Variants in LHPP observed in about 807,000 individuals in gnomAD.
The protein encoded by LHPP is phospholysine phosphohistidine inorganic pyrophosphate phosphatase, also known as hLHPP.
A neutral mutation model predicts 30.3 loss-of-function variants in LHPP; 24 were observed. That is an observed-to-expected ratio of 0.79 (90% CI 0.57 to 1.11). The LOEUF (loss-of-function observed/expected upper bound fraction) is 1.11, where lower values mean the gene tolerates loss of function less well. Ranked by LOEUF, LHPP falls within the 50% of genes most tolerant of loss-of-function variation. LHPP has a pLI of 0.00. For synonymous variants in LHPP, 150 were observed against 157.1 expected, an observed-to-expected ratio of 0.95 and a Z score of 0.34; for missense variants, 356 against 367.2, an observed-to-expected ratio of 0.97 and a Z score of 0.25.
At chr10:124,511,001 C>T (rs978866914) in intron 5 of LHPP, among the ~76,000 whole-genome samples, 5 of 152,162 alleles carry the variant, frequency 3.3e-5, no homozygotes, top group Non-Finnish European at 5.9e-5. Context: ...CCCGGGAGCA[C>T]GCGGTGCCAC....
intron 6 of LHPP, among the ~76,000 whole-genome samples, chr10:124,553,614 A>G (rs537498682): frequency 6.6e-6 from 1 of 152,028 alleles, no homozygotes; most frequent in African/African-American, 2.4e-5. Flanking sequence ...GCCCGCCACC[A>G]CGCCTGGCTA....
In LHPP at chr10:124,547,741, G is replaced by A. The variant is rs60710670; in HGVS notation, c.716+30470G>A. Among the ~76,000 whole-genome samples the A allele has an allele frequency of 6.7e-5, 6 of 89,572 alleles. No individual in the cohort carries two copies. The South Asian group carries it at 2.0e-3, about 29-fold the overall frequency. 58.8% of individuals were successfully genotyped at this position (89,572 alleles called of 152,430 possible). ...CAGGCTGGACCCAGCCCTGACCAGC[G>A]GGGCCATCGGGCGTCCTGGGCCCTG... On this transcript the variant is annotated intron_variant, in intron 6 of 6. Coordinates refer to ENST00000368842, the MANE Select transcript of LHPP (RefSeq NM_022126.4).
chr10:124,554,144 T>G, intron 6 of LHPP: 1 of 730,172 alleles, frequency 1.4e-6, no homozygotes, highest in South Asian at 6.1e-5. Context: ...CAGGTAGAGG[T>G]TTTTCAACCT....
rs181688254 is a variant in LHPP at position 124,536,400 on chromosome 10, G to A, written c.716+19129G>A. Among the ~76,000 whole-genome samples the A allele has an allele frequency of 2.1e-3, 313 of 152,328 alleles. 4 individuals are homozygous for A. The highest frequency in any genetic ancestry group is 6.8e-3 in the African/African-American group (284 of 41,576). On this transcript the variant is annotated intron_variant, in intron 6 of 6. Coordinates refer to ENST00000368842, the MANE Select transcript of LHPP (RefSeq NM_022126.4). ...CCAAATAGACTCCTGCTCCTGCTCC[G>A]AGGCCACCCCAGCCAGGCTGGATGG...
intron 5 of LHPP, among the ~76,000 whole-genome samples, chr10:124,506,269 C>CCCCA (rs1262776314): frequency 8.0e-6 from 1 of 125,030 alleles, no homozygotes; most frequent in Non-Finnish European, 1.7e-5. Flanking sequence ...ACAAACCCCC[C>CCCCA]CCCCACCCCG....
intron 6 of LHPP, among the ~76,000 whole-genome samples, chr10:124,520,330 C>T (rs1954579191): frequency 6.6e-6 from 1 of 152,134 alleles, no homozygotes; most frequent in Non-Finnish European, 1.5e-5. Flanking sequence ...GTGTGTTATC[C>T]TGTGTATCCA....
intron 1 of LHPP, among the ~76,000 whole-genome samples, chr10:124,468,968 G>C (rs369447956): frequency 1.2e-4 from 19 of 152,344 alleles, no homozygotes; most frequent in African/African-American, 4.1e-4. Context: ...CAGAGATGCA[G>C]GACACCTGTT....
At chr10:124,474,467 G>A (rs1334215385) in intron 1 of LHPP, among the ~76,000 whole-genome samples, 1 of 151,970 alleles carries the variant, frequency 6.6e-6, no homozygotes, top group African/African-American at 2.4e-5. Context: ...TGTTGAACTC[G>A]GTGTACATGC....
intron 4 of LHPP, among the ~76,000 whole-genome samples, chr10:124,497,743 C>G (rs1249560783): frequency 1.3e-5 from 2 of 152,194 alleles, no homozygotes; most frequent in Non-Finnish European, 2.9e-5. Flanking sequence ...CAGAGCACTG[C>G]TCTGCTGGCC....
At chr10:124,549,682 C>T (rs576340249) in intron 6 of LHPP, among the ~76,000 whole-genome samples, 40 of 152,320 alleles carry the variant, frequency 2.6e-4, no homozygotes, top group African/African-American at 8.4e-4. Flanking sequence ...ATTTGCAGGA[C>T]GGGACCTTAC....
chr10:124,463,502 A>G (rs2133803081), intron 1 of LHPP, among the ~76,000 whole-genome samples: 1 of 152,126 alleles, frequency 6.6e-6, no homozygotes, highest in South Asian at 2.1e-4. Flanking sequence ...ATCTGGGATT[A>G]CAGGCACCCG....
At chr10:124,519,897 G>GGA (rs1954566744) in intron 6 of LHPP, among the ~76,000 whole-genome samples, 2 of 151,644 alleles carry the variant, frequency 1.3e-5, no homozygotes, top group African/African-American at 4.9e-5. Context: ...CAGTGGCGCA[G>GGA]TCTCGGCTCA....
At chr10:124,597,236 A>G (rs1948956447) in intron 6 of LHPP, among the ~76,000 whole-genome samples, 1 of 152,056 alleles carries the variant, frequency 6.6e-6, no homozygotes, top group Admixed American at 6.6e-5. Flanking sequence ...GGACCCGCCT[A>G]GTGATCGTGT....
chr10:124,547,866 T>C (rs1457448102), intron 6 of LHPP, among the ~76,000 whole-genome samples: 1 of 152,260 alleles, frequency 6.6e-6, no homozygotes, highest in South Asian at 2.1e-4. Context: ...TAATCTCAGA[T>C]GCTGGCTTGT....
intron 6 of LHPP, among the ~76,000 whole-genome samples, chr10:124,609,373 G>C (rs1461165447): frequency 3.3e-5 from 5 of 152,076 alleles, no homozygotes; most frequent in Non-Finnish European, 5.9e-5. Flanking sequence ...CTCCCAAGTA[G>C]CTGGGACTAC....
At chr10:124,532,447 G>A (rs1469294050) in intron 6 of LHPP, among the ~76,000 whole-genome samples, 2 of 152,214 alleles carry the variant, frequency 1.3e-5, no homozygotes, top group East Asian at 3.9e-4. Flanking sequence ...CAGTGCCTCC[G>A]ATTCCAGTCC....
At chr10:124,587,472 G>A (rs1477151300) in intron 6 of LHPP, among the ~76,000 whole-genome samples, 1 of 151,636 alleles carries the variant, frequency 6.6e-6, no homozygotes, top group Non-Finnish European at 1.5e-5. Context: ...CAGGCGCAGT[G>A]GCTCACGTCT....
chr10:124,569,754 C>T lies in LHPP; in HGVS notation c.717-43510C>T, dbSNP rs188462728. ...AAACAGACCTGTAAGGCAGCGGAGCCGAGATGGGGTTGATGAGTGTCACCA... is the reference window on the plus strand; with the variant it reads ...AAACAGACCTGTAAGGCAGCGGAGCTGAGATGGGGTTGATGAGTGTCACCA... On this transcript the variant is annotated intron_variant, in intron 6 of 6. Coordinates refer to ENST00000368842, the MANE Select transcript of LHPP (RefSeq NM_022126.4). Among the ~76,000 whole-genome samples the T allele has an allele frequency of 1.2e-4, 19 of 152,270 alleles. 1 individual carries two copies. In the East Asian group the frequency reaches 2.9e-3, roughly 23 times the overall value.
chr10:124,472,323 T>G (rs1221561122), intron 1 of LHPP, among the ~76,000 whole-genome samples: 2 of 152,032 alleles, frequency 1.3e-5, no homozygotes, highest in Non-Finnish European at 2.9e-5. Context: ...AAAAAAAATG[T>G]TGAGGTCTGC....
Sources: gnomAD v4.1 joint callset for allele counts (sites outside exome capture counted in the v4.1 genomes callset) on GRCh38, gnomAD v4.1.1 for gene constraint, MANE v1.5 for transcripts, NCBI Gene and HGNC (gene_info 2026-07-23, HGNC 2026-07-21) for gene names.